Variants in ADRA1A observed in about 807,000 individuals in gnomAD.
ADRA1A encodes alpha-1A adrenergic receptor.
Under a neutral mutation model 29.6 loss-of-function variants are expected in ADRA1A, and 31 were observed. That is an observed-to-expected ratio of 1.05 (90% CI 0.79 to 1.41). The LOEUF (loss-of-function observed/expected upper bound fraction) is 1.41, where lower values mean the gene tolerates loss of function less well. ADRA1A is among the 40% of genes most tolerant of loss of function. The pLI, the probability that ADRA1A is intolerant of heterozygous loss-of-function variation, is 0.00. For synonymous variants in ADRA1A, 311 were observed against 254.3 expected (o/e 1.22, Z -2.12); for missense variants, 619 against 601.1 (o/e 1.03, Z -0.31).
Position 26,839,604 on chromosome 8 carries a change from G to A in ADRA1A, c.883+24483C>T, listed in dbSNP as rs1811669754. Among the ~76,000 whole-genome samples, 2 of 152,136 alleles carry A rather than the reference G, an allele frequency of 1.3e-5. 1 individual carries two copies. The highest frequency in any genetic ancestry group is 4.1e-4 in the South Asian group (2 of 4,826). On this transcript the variant is annotated intron_variant, in intron 2 of 2. Transcript: ENST00000380573. ...AGGGTCTGTTCCTGTCTGGCGCCTG[G>A]TAGACTCTCAATGTTTCTTGAATAA...
chr8:26,867,365 G>A (rs894680811), upstream of ADRA1A: 3 of 985,152 alleles, frequency 3.0e-6, no homozygotes, highest in Non-Finnish European at 3.6e-6. Flanking sequence ...CAGCTGTAAT[G>A]TTTTCCTCTG....
downstream of ADRA1A, among the ~76,000 whole-genome samples, chr8:26,755,116 A>G (rs914485985): frequency 1.3e-5 from 2 of 152,258 alleles, no homozygotes; most frequent in Admixed American, 6.5e-5. Context: ...AGTCCAAAGC[A>G]TTTGGTTATT....
At chr8:26,788,650 C>G (rs1448749376) in intron 2 of ADRA1A, among the ~76,000 whole-genome samples, 3 of 152,108 alleles carry the variant, frequency 2.0e-5, no homozygotes, top group African/African-American at 7.2e-5. Context: ...TTGTTTATCC[C>G]CATTTTACAA....
chr8:26,757,564 T>C (rs1486257010), intron 2 of ADRA1A, among the ~76,000 whole-genome samples: 1 of 150,528 alleles, frequency 6.6e-6, no homozygotes, highest in African/African-American at 2.5e-5. Context: ...GCAGACACTC[T>C]TTCATATGCT....
chr8:26,811,190 C>CTTTTTTTTTT, intron 2 of ADRA1A, among the ~76,000 whole-genome samples: 1 of 142,722 alleles, frequency 7.0e-6, no homozygotes, highest in Non-Finnish European at 1.5e-5. Context: ...AGCTTTCTTT[C>CTTTTTTTTTT]TTTTCTTTTT....
chr8:26,748,153 C>A (rs1394385842), exon 3 of ADRA1A: 2 of 152,252 alleles, frequency 1.3e-5, no homozygotes, highest in African/African-American at 4.8e-5. Context: ...CTTTATTAAC[C>A]AATGGCTATG....
chr8:26,793,129 G>A (rs907729673), intron 2 of ADRA1A, among the ~76,000 whole-genome samples: 2 of 151,712 alleles, frequency 1.3e-5, no homozygotes, highest in African/African-American at 4.8e-5. Flanking sequence ...ATTATTTTAG[G>A]TTGATAAAAG....
intron 2 of ADRA1A, among the ~76,000 whole-genome samples, chr8:26,820,447 A>G (rs1373631680): frequency 6.6e-6 from 1 of 152,222 alleles, no homozygotes; most frequent in Non-Finnish European, 1.5e-5. Flanking sequence ...AAAAAAGTGT[A>G]CATCTAAATC....
At chr8:26,751,347 T>C (rs927398185) in intron 2 of ADRA1A, among the ~76,000 whole-genome samples, 3 of 152,214 alleles carry the variant, frequency 2.0e-5, no homozygotes, top group African/African-American at 7.2e-5. Flanking sequence ...AAAAGAGTTG[T>C]TTTTCATAAA....
At chr8:26,765,897 T>C, downstream of ADRA1A, 1 of 1,424,964 alleles carries the variant, frequency 7.0e-7, no homozygotes, top group Non-Finnish European at 9.1e-7. Context: ...CCTAAAATGT[T>C]CTCACTACCA....
chr8:26,827,734 G>T (rs1171665045), intron 2 of ADRA1A, among the ~76,000 whole-genome samples: 1 of 151,814 alleles, frequency 6.6e-6, no homozygotes, highest in Non-Finnish European at 1.5e-5. Context: ...AAACATCAGC[G>T]CTCTGCCCTT....
In ADRA1A at chr8:26,806,419, A is replaced by G. The variant is rs1218247736; in HGVS notation, c.884-35753T>C. On this transcript the variant is annotated intron_variant, in intron 2 of 2. Transcript: ENST00000380573. The surrounding 1 kb of genome is among the most constrained non-coding windows in gnomAD (Gnocchi z 4.6). ...AGTGGCCTTAGGTAAGGAAAAAAAA[A>G]GAGCATGATTCAAGTTTTCTGTGGC... Among the ~76,000 whole-genome samples the G allele has an allele frequency of 6.6e-6, 1 of 152,152 alleles. No individual in the cohort carries two copies. Among genetic ancestry groups the G allele is most frequent in the African/African-American group, 2.4e-5 (1 of 41,442 alleles).
intron 2 of ADRA1A, among the ~76,000 whole-genome samples, chr8:26,859,894 G>C (rs1017034150): frequency 1.3e-5 from 2 of 151,724 alleles, no homozygotes. Context: ...CAGCCTACCA[G>C]GTAGCTGGTA....
downstream of ADRA1A, among the ~76,000 whole-genome samples, chr8:26,763,974 G>A (rs1344760347): frequency 6.6e-6 from 1 of 152,070 alleles, no homozygotes; most frequent in Non-Finnish European, 1.5e-5. This position sits in a 1 kb window ranked among gnomAD's most constrained non-coding sequence, Gnocchi z 4.5. Context: ...TGGTTAATCT[G>A]GGAACATCCT....
chr8:26,811,791 C>T (rs537110201), intron 2 of ADRA1A, among the ~76,000 whole-genome samples: 1 of 152,304 alleles, frequency 6.6e-6, no homozygotes, highest in East Asian at 1.9e-4. Flanking sequence ...CAGCTTAGTT[C>T]GATCTGCTTT....
At chr8:26,794,588 T>G (rs1342024418) in intron 2 of ADRA1A, among the ~76,000 whole-genome samples, 3 of 152,140 alleles carry the variant, frequency 2.0e-5, no homozygotes, top group Non-Finnish European at 4.4e-5. Context: ...CACTAAAATT[T>G]GAATTTCATA....
Position 26,805,383 on chromosome 8 carries a change from A to G in ADRA1A, c.884-34717T>C, listed in dbSNP as rs987242952. Among the ~76,000 whole-genome samples the G allele has an allele frequency of 3.3e-5, 5 of 152,224 alleles. No individual in the cohort carries two copies. Among genetic ancestry groups the G allele is most frequent in the African/African-American group, 1.2e-4 (5 of 41,466 alleles). On this transcript the variant is annotated intron_variant, in intron 2 of 2. Coordinates refer to ENST00000380573, the MANE Select transcript of ADRA1A (RefSeq NM_000680.4). The surrounding 1 kb of genome is among the most constrained non-coding windows in gnomAD (Gnocchi z 4.8). The stretch of plus-strand genomic sequence containing the variant: ...AAGGTGGGAATTATTCCCACTTTAA[A>G]GATGAAGCAAATCACTTGTCTACTA...
chr8:26,865,296 G>C lies in ADRA1A; in HGVS notation c.-327C>G. The stretch of plus-strand genomic sequence containing the variant: ...CCCGAAGCTGGGTGCGAAGATCCAG[G>C]AGACTCCTTGCAACATGCAATTCCA... On this transcript the variant is annotated 5_prime_UTR_variant, in exon 2 of 3. Transcript: ENST00000380573. The surrounding 1 kb of genome is among the most constrained non-coding windows in gnomAD (Gnocchi z 7.6). 1 of 1,204,430 alleles carries C rather than the reference G, an allele frequency of 8.3e-7. No homozygotes were observed. Among genetic ancestry groups the C allele is most frequent in the Non-Finnish European group, 1.0e-6 (1 of 966,390 alleles). The allele number at this position is 1,204,430 out of a possible 1,614,324, so 74.6% of individuals were successfully genotyped here.
chr8:26,839,890 G>C (rs1811692859), intron 2 of ADRA1A, among the ~76,000 whole-genome samples: 1 of 152,264 alleles, frequency 6.6e-6, no homozygotes, highest in Admixed American at 6.5e-5. Flanking sequence ...CTCTGCCAAG[G>C]TCAAGGAGCA....
Sources: gnomAD v4.1 joint callset for allele counts (sites outside exome capture counted in the v4.1 genomes callset) on GRCh38, gnomAD v4.1.1 for gene constraint, Gnocchi (gnomAD v3.1) non-coding constraint, MANE v1.5 for transcripts, NCBI Gene and HGNC (gene_info 2026-07-23, HGNC 2026-07-21) for gene names.